ARFGAP3: variants seen among roughly 807,000 people sequenced by gnomAD.
ARFGAP3 encodes ADP-ribosylation factor GTPase-activating protein 3.
A neutral mutation model predicts 75.0 loss-of-function variants in ARFGAP3; 72 were observed. The ratio of observed to expected loss-of-function variants is 0.96; its 90% CI spans 0.79 to 1.17. The LOEUF (loss-of-function observed/expected upper bound fraction) is 1.17, where lower values mean the gene tolerates loss of function less well. Among genes scored for constraint, ARFGAP3 ranks in the 50% most tolerant of loss-of-function variants. The pLI, the probability that ARFGAP3 is intolerant of heterozygous loss-of-function variation, is 0.00. For missense variants in ARFGAP3, 620 were observed against 626.6 expected, an observed-to-expected ratio of 0.99 and a Z score of 0.11; for synonymous variants, 221 against 217.9, an observed-to-expected ratio of 1.01 and a Z score of -0.13.
chr22:42,826,881 A>T (rs1343365634), intron 7 of ARFGAP3, 59 bp downstream of exon 7: 1 of 1,498,494 alleles, frequency 6.7e-7, no homozygotes, highest in Non-Finnish European at 9.1e-7. Flanking sequence ...AAGAGGATTT[A>T]TTTTTTTCTT....
intron 11 of ARFGAP3, among the ~76,000 whole-genome samples, chr22:42,816,150 A>C (rs1925570018): frequency 6.6e-6 from 1 of 152,146 alleles, no homozygotes; most frequent in Admixed American, 6.6e-5. Flanking sequence ...TTTAGACTGA[A>C]TCACATCTCT....
At chr22:42,806,386 G>A (rs902603555) in intron 14 of ARFGAP3, among the ~76,000 whole-genome samples, 1 of 152,222 alleles carries the variant, frequency 6.6e-6, no homozygotes, top group Non-Finnish European at 1.5e-5. Flanking sequence ...GGGCTCACAG[G>A]CCGCCCCATC....
intron 14 of ARFGAP3, among the ~76,000 whole-genome samples, chr22:42,806,374 C>T (rs1440442611): frequency 6.6e-6 from 1 of 152,234 alleles, no homozygotes; most frequent in Non-Finnish European, 1.5e-5. Flanking sequence ...AGGCCCACCA[C>T]TGGGCTCACA....
chr22:42,847,481 C>G, intron 2 of ARFGAP3, 33 bp downstream of exon 2: 1 of 1,551,954 alleles, frequency 6.4e-7, no homozygotes. Context: ...ACAATGTAAT[C>G]AATCTCACCC....
At chr22:42,797,634 C>T (rs761248199) in intron 15 of ARFGAP3, 29 bp from the exon 16 acceptor site, 9 of 1,613,830 alleles carry the variant, frequency 5.6e-6, no homozygotes, top group Non-Finnish European at 7.6e-6. Flanking sequence ...TGGAAGTTCA[C>T]GACCATTCAG....
At chr22:42,846,469 GTCT>G (rs1396368205) in intron 2 of ARFGAP3, among the ~76,000 whole-genome samples, 3 of 152,240 alleles carry the variant, frequency 2.0e-5, no homozygotes, top group East Asian at 3.8e-4. Context: ...CAAAGGTGGT[GTCT>G]TCTTCTGATG....
At chr22:42,823,543 A>C (rs1925903566) in intron 8 of ARFGAP3, 113 bp downstream of exon 8, 3 of 759,610 alleles carry the variant, frequency 3.9e-6, no homozygotes, top group Non-Finnish European at 6.2e-6. Context: ...CCTTATATCA[A>C]AGCTACATTT....
chr22:42,805,689 G>C (rs1169874825), intron 14 of ARFGAP3, among the ~76,000 whole-genome samples: 3 of 152,200 alleles, frequency 2.0e-5, no homozygotes, highest in Admixed American at 1.3e-4. Flanking sequence ...GCTCAAGTCT[G>C]GGGTGAGGCA....
At position 42,846,694 on chromosome 22, in the gene ARFGAP3, G is replaced by A. The variant is rs117939073; in HGVS notation, c.188+820C>T. 1.0e-3 allele frequency among the ~76,000 whole-genome samples: 157 copies of A among 152,368 alleles called. 2 individuals are homozygous for A. In the East Asian group the frequency reaches 0.026, roughly 26 times the overall value. The stretch of plus-strand genomic sequence containing the variant: ...AGAGCTATAAGATTACGGTGGAAGT[G>A]AAGCCCTGATACAAGGAGAGTGTCT... On this transcript the variant is annotated intron_variant, in intron 2 of 15. Coordinates refer to ENST00000263245, the MANE Select transcript of ARFGAP3 (RefSeq NM_014570.5).
chr22:42,847,525 C>G lies in ARFGAP3; in HGVS notation c.177G>C (p.Leu59Phe). The G allele has an allele frequency of 6.2e-7, 1 of 1,612,692 alleles. No individual in the cohort carries two copies. Among genetic ancestry groups the G allele is most frequent in the South Asian group, 1.1e-5 (1 of 90,916 alleles). The change falls in exon 2 of 16, where the codon TTG (leucine) becomes TTC (phenylalanine). Residue 59 changes from leucine (L) to phenylalanine (F), a missense_variant. By Grantham distance (22) the Leu-to-Phe change is conservative (BLOSUM62 0). Transcript: ENST00000263245. The stretch of plus-strand genomic sequence containing the variant: ...GAAGATTCACTTACCGAATAAAACT[C>G]AAGTGAACACCAAGTGACCGGTGGG... ...SGSHRSLGVH[L>F]SFIRSTELDS...
intron 14 of ARFGAP3, among the ~76,000 whole-genome samples, chr22:42,800,816 G>A (rs1924822066): frequency 6.6e-6 from 1 of 152,190 alleles, no homozygotes; most frequent in African/African-American, 2.4e-5. Flanking sequence ...GGTGGCCATG[G>A]TCAAAGACAG....
chr22:42,801,454 A>G (rs1289414517), intron 14 of ARFGAP3, among the ~76,000 whole-genome samples: 2 of 152,220 alleles, frequency 1.3e-5, no homozygotes, highest in Non-Finnish European at 2.9e-5. Context: ...GGTTCTGTGC[A>G]TCACAGTCAC....
chr22:42,826,651 C>T (rs1390903343), intron 7 of ARFGAP3, among the ~76,000 whole-genome samples: 20 of 152,052 alleles, frequency 1.3e-4, no homozygotes, highest in Admixed American at 1.2e-3. Flanking sequence ...CTGACCACCT[C>T]GGCTTCATAA....
At chr22:42,839,236 T>G (rs1926673287) in intron 3 of ARFGAP3, among the ~76,000 whole-genome samples, 1 of 152,148 alleles carries the variant, frequency 6.6e-6, no homozygotes, top group African/African-American at 2.4e-5. Flanking sequence ...TCACAGAACT[T>G]AACACACAGT....
intron 8 of ARFGAP3, among the ~76,000 whole-genome samples, chr22:42,822,993 A>G (rs766671121): frequency 3.3e-5 from 5 of 151,960 alleles, no homozygotes; most frequent in Non-Finnish European, 5.9e-5. Flanking sequence ...TATTTTTTGA[A>G]GAGATGGGAT....
At chr22:42,833,046 G>A (rs891154501) in intron 5 of ARFGAP3, among the ~76,000 whole-genome samples, 13 of 151,802 alleles carry the variant, frequency 8.6e-5, no homozygotes, top group African/African-American at 1.2e-4. Context: ...AAATATTGTC[G>A]CCTTTTAGGC....
At chr22:42,852,842 G>A (rs1433530353) in intron 1 of ARFGAP3, among the ~76,000 whole-genome samples, 1 of 152,124 alleles carries the variant, frequency 6.6e-6, no homozygotes, top group African/African-American at 2.4e-5. Context: ...TTGGTTCACT[G>A]CAACCTCTGC....
chr22:42,838,290 ATTT>A (rs1555899058), intron 3 of ARFGAP3, among the ~76,000 whole-genome samples: 1 of 137,184 alleles, frequency 7.3e-6, no homozygotes, highest in African/African-American at 2.7e-5. Flanking sequence ...ATATATATAT[ATTT>A]TTTTTTTCTT....
At chr22:42,811,011 C>T (rs2146534703) in intron 11 of ARFGAP3, 67 bp from the exon 12 acceptor site, 1 of 1,578,086 alleles carries the variant, frequency 6.3e-7, no homozygotes, top group Non-Finnish European at 8.6e-7. Context: ...GGCTCTCTCA[C>T]TTCCACAGAT....
Sources: allele counts gnomAD v4.1 joint callset (sites outside exome capture counted in the v4.1 genomes callset), GRCh38; gene constraint gnomAD v4.1.1; transcripts MANE v1.5; gene names NCBI Gene and HGNC (gene_info 2026-07-23, HGNC 2026-07-21).